The following ACYP2 variants were observed in gnomAD, a reference collection of about 807,000 sequenced individuals.
ACYP2 encodes acylphosphatase-2.
Under a neutral mutation model 11.2 loss-of-function variants are expected in ACYP2, and 12 were observed. That is an observed-to-expected ratio of 1.08 (90% CI 0.69 to 1.74). The LOEUF is 1.74. Ranked by LOEUF, ACYP2 falls within the 40% of genes most tolerant of loss-of-function variation. The probability of loss-of-function intolerance (pLI) is 0.00; values close to 1 mark genes in which losing one functional copy is unlikely to be tolerated. For missense variants in ACYP2, 134 were observed against 101.9 expected (o/e 1.31, Z -1.35); for synonymous variants, 43 against 32.2 (o/e 1.33, Z -1.13).
At chr2:54,234,167 G>A (rs1572970549) in intron 6 of ACYP2, among the ~76,000 whole-genome samples, 2 of 152,296 alleles carry the variant, frequency 1.3e-5, no homozygotes, top group East Asian at 3.9e-4. Flanking sequence ...TGGTGGAGAA[G>A]GACCCCCTGT....
intron 4 of ACYP2, among the ~76,000 whole-genome samples, chr2:54,111,730 C>A (rs1679471347): frequency 6.6e-6 from 1 of 152,162 alleles, no homozygotes; most frequent in Non-Finnish European, 1.5e-5. Flanking sequence ...TGGAAGTTAA[C>A]AATTTGTATC....
At chr2:54,121,563 A>G (rs1190266186) in intron 4 of ACYP2, among the ~76,000 whole-genome samples, 1 of 152,264 alleles carries the variant, frequency 6.6e-6, no homozygotes, top group East Asian at 1.9e-4. Flanking sequence ...GCTTTGTCAG[A>G]TAATGCATGA....
intron 2 of ACYP2, among the ~76,000 whole-genome samples, chr2:53,985,812 G>A (rs1221241499): frequency 6.6e-6 from 1 of 152,110 alleles, no homozygotes; most frequent in Non-Finnish European, 1.5e-5. Context: ...TTGTTCCCAT[G>A]AGATTTCACC....
chr2:53,977,989 T>C (rs1202972263), intron 2 of ACYP2, among the ~76,000 whole-genome samples: 1 of 151,890 alleles, frequency 6.6e-6, no homozygotes, highest in African/African-American at 2.4e-5. Context: ...TGGCTGGGCA[T>C]GGTGGCTCAC....
intron 2 of ACYP2, among the ~76,000 whole-genome samples, chr2:54,039,208 T>C (rs1386893737): frequency 6.8e-6 from 1 of 146,806 alleles, no homozygotes; most frequent in African/African-American, 2.5e-5. Flanking sequence ...ACTAAAAATA[T>C]CTTTGGAAGT....
At chr2:54,190,651 G>A (rs1030208834) in intron 6 of ACYP2, among the ~76,000 whole-genome samples, 1 of 151,968 alleles carries the variant, frequency 6.6e-6, no homozygotes, top group Admixed American at 6.6e-5. Context: ...CTCATCTCCT[G>A]TTTCTGGATA....
At chr2:54,204,536 A>G (rs1684995621) in intron 6 of ACYP2, among the ~76,000 whole-genome samples, 1 of 152,102 alleles carries the variant, frequency 6.6e-6, no homozygotes, top group Non-Finnish European at 1.5e-5. Context: ...GTCCGATGCC[A>G]GTTGTCATTA....
chr2:54,003,258 A>G (rs1672887136), intron 2 of ACYP2, among the ~76,000 whole-genome samples: 1 of 149,066 alleles, frequency 6.7e-6, no homozygotes, highest in Non-Finnish European at 1.5e-5. Context: ...GAGCTCGCTT[A>G]TTTATTTATT....
At chr2:54,067,799 A>G (rs1208966258) in intron 4 of ACYP2, among the ~76,000 whole-genome samples, 1 of 152,244 alleles carries the variant, frequency 6.6e-6, no homozygotes, top group Non-Finnish European at 1.5e-5. Context: ...ACAAAACAAT[A>G]GATAATTATC....
At chr2:54,255,351 T>G in intron 6 of ACYP2, 1 of 1,614,176 alleles carries the variant, frequency 6.2e-7, no homozygotes. Flanking sequence ...CATCTTGGCC[T>G]CTAATCATGG....
At chr2:54,041,178 A>G (rs1331122841) in intron 2 of ACYP2, among the ~76,000 whole-genome samples, 1 of 151,500 alleles carries the variant, frequency 6.6e-6, no homozygotes, top group African/African-American at 2.4e-5. Flanking sequence ...AACTCCTGGC[A>G]TCATGCAATC....
intron 2 of ACYP2, among the ~76,000 whole-genome samples, chr2:54,044,578 C>T (rs965285733): frequency 4.0e-5 from 6 of 151,838 alleles, no homozygotes; most frequent in African/African-American, 9.7e-5. Flanking sequence ...CAGAGTAAGA[C>T]GCTGTCCCCC....
chr2:53,972,927 G>T (rs977931511), intron 1 of ACYP2, among the ~76,000 whole-genome samples: 8 of 152,206 alleles, frequency 5.3e-5, no homozygotes, highest in Non-Finnish European at 1.2e-4. Flanking sequence ...AAACTGAGAT[G>T]CAGATTAGCG....
intron 4 of ACYP2, chr2:54,082,708 A>G (rs1255625110): frequency 2.0e-5 from 3 of 152,220 alleles, no homozygotes; most frequent in African/African-American, 7.2e-5. Flanking sequence ...TAGTACTGAC[A>G]AACCTACGGT....
chr2:54,135,252 C>G (rs1483866381), intron 4 of ACYP2, among the ~76,000 whole-genome samples: 4 of 152,122 alleles, frequency 2.6e-5, no homozygotes, highest in Non-Finnish European at 2.9e-5. Context: ...GAAAGGCATT[C>G]AATTTAAAAC....
intron 4 of ACYP2, among the ~76,000 whole-genome samples, chr2:54,060,367 T>C (rs1205045318): frequency 6.6e-6 from 1 of 152,122 alleles, no homozygotes; most frequent in Non-Finnish European, 1.5e-5. Flanking sequence ...TTAATTTCTA[T>C]AAACTTATTC....
intron 6 of ACYP2, among the ~76,000 whole-genome samples, chr2:54,257,149 G>A (rs562489696): frequency 6.6e-6 from 1 of 152,162 alleles, no homozygotes; most frequent in East Asian, 1.9e-4. Context: ...GGAGACGGGA[G>A]GATCAGTTGA....
chr2:54,088,301 T>C (rs948918490), intron 4 of ACYP2, among the ~76,000 whole-genome samples: 1 of 152,142 alleles, frequency 6.6e-6, no homozygotes, highest in African/African-American at 2.4e-5. Context: ...CAGGACTACT[T>C]AGAGGAGTGG....
intron 6 of ACYP2, among the ~76,000 whole-genome samples, chr2:54,276,619 TCACACACACACACACACA>T (rs3071186): frequency 0.23 from 33,273 of 146,172 alleles, 4,000 homozygotes; most frequent in Admixed American, 0.3. Flanking sequence ...GATTGTTCTT[TCACACACACACACACACA>T]CACACACACA....
Sources: allele counts gnomAD v4.1 joint callset (sites outside exome capture counted in the v4.1 genomes callset), GRCh38; gene constraint gnomAD v4.1.1; transcripts MANE v1.5; gene names NCBI Gene and HGNC (gene_info 2026-07-23, HGNC 2026-07-21).